The following NRG3 variants were observed in gnomAD, a reference collection of about 807,000 sequenced individuals.
NRG3 encodes neuregulin 3, also known as pro-neuregulin-3, membrane-bound isoform.
In NRG3, 31 loss-of-function variants were observed where a neutral mutation model predicts 66.9. The observed-to-expected ratio is 0.46, with a 90% CI of 0.35 to 0.63. The LOEUF (loss-of-function observed/expected upper bound fraction) is 0.63. Among genes scored for constraint, NRG3 ranks in the 20% least tolerant of loss-of-function variants. NRG3 has a pLI of 0.00. For synonymous variants in NRG3, 393 were observed against 359.4 expected (o/e 1.09, Z -1.06); for missense variants, 910 against 878.9 (o/e 1.04, Z -0.45).
chr10:82,886,287 C>T (rs567648211), intron 4 of NRG3, among the ~76,000 whole-genome samples: 16 of 152,298 alleles, frequency 1.1e-4, no homozygotes, highest in South Asian at 2.1e-4. Context: ...CCCTCAATTT[C>T]CCTTACTCAT....
At chr10:82,407,366 T>G (rs1489224667) in intron 2 of NRG3, among the ~76,000 whole-genome samples, 1 of 152,140 alleles carries the variant, frequency 6.6e-6, no homozygotes, top group African/African-American at 2.4e-5. Context: ...AGAAGTAACC[T>G]ACTCTAAATG....
At chr10:82,466,508 A>C (rs1383668086) in intron 2 of NRG3, among the ~76,000 whole-genome samples, 1 of 152,144 alleles carries the variant, frequency 6.6e-6, no homozygotes, top group Non-Finnish European at 1.5e-5. Flanking sequence ...TGGACTAGGA[A>C]AGTATAGGCC....
At chr10:82,642,103 C>A (rs1407288178) in intron 2 of NRG3, among the ~76,000 whole-genome samples, 1 of 152,080 alleles carries the variant, frequency 6.6e-6, no homozygotes, top group Non-Finnish European at 1.5e-5. Flanking sequence ...ACATGCGGTA[C>A]TTTCTGTCTC....
chr10:82,478,085 T>C (rs562754986), intron 2 of NRG3, among the ~76,000 whole-genome samples: 1 of 152,310 alleles, frequency 6.6e-6, no homozygotes, highest in African/African-American at 2.4e-5. Flanking sequence ...AATCCTAAAA[T>C]GCTTACGAAT....
intron 4 of NRG3, among the ~76,000 whole-genome samples, chr10:82,874,342 A>T (rs962584656): frequency 6.6e-6 from 1 of 151,780 alleles, no homozygotes; most frequent in Non-Finnish European, 1.5e-5. Context: ...AGCCAAATGA[A>T]TTCATATTTC....
intron 1 of NRG3, among the ~76,000 whole-genome samples, chr10:82,047,206 C>T (rs4453175): frequency 0.89 from 134,330 of 151,414 alleles, 60,744 homozygotes; most frequent in South Asian, 0.99. Context: ...TCCTGGACTC[C>T]TTTTGGTTGG....
At position 82,461,319 on chromosome 10, in the gene NRG3, TCAC is replaced by T. The variant is rs1564948324; in HGVS notation, c.953+102466_953+102468del. On this transcript the variant is annotated intron_variant, in intron 2 of 8. Coordinates refer to ENST00000372141, the MANE Select transcript of NRG3 (RefSeq NM_001010848.4). Reference sequence around the variant, plus strand: ...ATCATCATTGCTATCATCAACACCATCACCACCACCACCACCATCACCACCACC... The same window carrying T: ...ATCATCATTGCTATCATCAACACCATCACCACCACCACCATCACCACCACC... Among the ~76,000 whole-genome samples, 4 of 150,772 alleles carry T rather than the reference TCAC, an allele frequency of 2.7e-5. No homozygotes were observed. The South Asian group carries it at 8.4e-4, about 32-fold the overall frequency.
chr10:82,874,507 T>C (rs1841630583), intron 4 of NRG3, among the ~76,000 whole-genome samples: 1 of 152,070 alleles, frequency 6.6e-6, no homozygotes, highest in African/African-American at 2.4e-5. Context: ...TGGTAATTTA[T>C]GGATATATAT....
chr10:82,313,183 A>G (rs2081122511), intron 1 of NRG3, among the ~76,000 whole-genome samples: 1 of 151,910 alleles, frequency 6.6e-6, no homozygotes, highest in African/African-American at 2.4e-5. Flanking sequence ...AAAAAAACAA[A>G]AAAATTAGCT....
chr10:82,242,714 G>C lies in NRG3; in HGVS notation c.824-116025G>C, dbSNP rs548104504. Among the ~76,000 whole-genome samples the C allele has an allele frequency of 2.6e-5, 4 of 152,182 alleles. No homozygotes were observed. In the East Asian group the frequency reaches 7.7e-4, roughly 29 times the overall value. On this transcript the variant is annotated intron_variant, in intron 1 of 8. Coordinates refer to ENST00000372141, the MANE Select transcript of NRG3 (RefSeq NM_001010848.4). ...GATTAGGTGGAGAGAGAGGGTGGGG[G>C]TGTGAGAGAGAGTAAGAAAGAAAAA...
intron 1 of NRG3, among the ~76,000 whole-genome samples, chr10:82,321,033 C>A (rs963623638): frequency 6.6e-6 from 1 of 152,196 alleles, no homozygotes; most frequent in East Asian, 1.9e-4. Flanking sequence ...TTTCTGGATG[C>A]CAGACAAGGA....
At chr10:82,735,424 T>G (rs189773759) in intron 2 of NRG3, among the ~76,000 whole-genome samples, 2 of 152,240 alleles carry the variant, frequency 1.3e-5, no homozygotes, top group African/African-American at 2.4e-5. Context: ...AGTAGAAAGA[T>G]AATAGAATAT....
intron 1 of NRG3, among the ~76,000 whole-genome samples, chr10:82,014,873 T>C (rs183731482): frequency 5.5e-4 from 84 of 152,168 alleles, no homozygotes; most frequent in African/African-American, 1.9e-3. Context: ...CCTTAGACAA[T>C]TGAAAGACTA....
At chr10:82,359,968 TG>T (rs1465108163) in intron 2 of NRG3, among the ~76,000 whole-genome samples, 1 of 152,132 alleles carries the variant, frequency 6.6e-6, no homozygotes, top group East Asian at 1.9e-4. Flanking sequence ...CACTGAGCAA[TG>T]GCACAGGTTT....
intron 2 of NRG3, among the ~76,000 whole-genome samples, chr10:82,565,529 A>G (rs573455750): frequency 1.3e-5 from 2 of 152,192 alleles, no homozygotes; most frequent in Non-Finnish European, 2.9e-5. Context: ...AGATTTTGAT[A>G]GATAAGCCAG....
intron 2 of NRG3, among the ~76,000 whole-genome samples, chr10:82,413,007 C>A (rs1261240629): frequency 6.6e-6 from 1 of 152,148 alleles, no homozygotes; most frequent in Non-Finnish European, 1.5e-5. Context: ...AAGTCTTGAA[C>A]CCCTCAAAAT....
At chr10:82,431,619 C>T (rs1179103338) in intron 2 of NRG3, among the ~76,000 whole-genome samples, 2 of 152,046 alleles carry the variant, frequency 1.3e-5, no homozygotes, top group Non-Finnish European at 2.9e-5. Context: ...GCTTTCAAGT[C>T]TACAACTGCC....
At chr10:82,634,043 T>C (rs569964044) in intron 2 of NRG3, among the ~76,000 whole-genome samples, 53 of 152,314 alleles carry the variant, frequency 3.5e-4, no homozygotes, top group African/African-American at 1.3e-3. Context: ...ATAGAGATTA[T>C]GGTTCATAAA....
intron 1 of NRG3, among the ~76,000 whole-genome samples, chr10:82,259,092 A>C (rs4147299): frequency 0.14 from 21,016 of 152,090 alleles, 1,527 homozygotes; most frequent in East Asian, 0.24. Flanking sequence ...GGCCTTATGG[A>C]ATTAATGCAA....
Sources: gnomAD v4.1 joint callset for allele counts (sites outside exome capture counted in the v4.1 genomes callset) on GRCh38, gnomAD v4.1.1 for gene constraint, MANE v1.5 for transcripts, NCBI Gene and HGNC (gene_info 2026-07-23, HGNC 2026-07-21) for gene names.